OR1J2: variants seen among roughly 807,000 people sequenced by gnomAD.
OR1J2 encodes the protein olfactory receptor family 1 subfamily J member 2, also known as olfactory receptor 1J2.
For synonymous variants in OR1J2, 142 were observed against 99.7 expected (o/e 1.42, Z -2.52); for missense variants, 304 against 246.1 (o/e 1.24, Z -1.57).
At chr9:122,553,078 G>C in the OR1J2 span, 7 of 855,314 alleles carry the variant, frequency 8.2e-6, no homozygotes, top group South Asian at 1.2e-4. Context: ...TATTGGCAAA[G>C]ACCATTTATT....
chr9:122,553,365 A>T, the OR1J2 span: 1 of 1,614,040 alleles, frequency 6.2e-7, no homozygotes. Context: ...TATCCTGGCC[A>T]TCAGCTCTGA....
the OR1J2 span, among the ~76,000 whole-genome samples, chr9:122,578,947 A>T: frequency 6.8e-6 from 1 of 147,972 alleles, no homozygotes; most frequent in Non-Finnish European, 1.5e-5. Flanking sequence ...ACCTAAAATT[A>T]AAAAAAATTC....
At chr9:122,516,282 G>A (rs139304186), downstream of OR1J2, among the ~76,000 whole-genome samples, 1,403 of 150,968 alleles carry the variant, frequency 9.3e-3, 8 homozygotes, top group Non-Finnish European at 0.016. Flanking sequence ...ATGTGGTGGG[G>A]TGGAGTCCAT....
At chr9:122,468,213 G>A in the OR1J2 span, among the ~76,000 whole-genome samples, 2 of 152,188 alleles carry the variant, frequency 1.3e-5, no homozygotes, top group African/African-American at 4.8e-5. Context: ...AAACTGCAGT[G>A]AGTAAAAACT....
chr9:122,511,074 G>A lies in OR1J2; in HGVS notation c.273G>A (p.Ser91=), dbSNP rs776208357. ...TGGACATGCGGACTAAGTACAAATC[G>A]ATCCTCTATGAGGAATGCATTTCTC... is the stretch of plus-strand genomic sequence containing the variant. ...MLMDMRTKYK[S]ILYEECISQM... The change falls in exon 1 of 1, where the codon TCG becomes TCA. Residue 91 remains serine, a synonymous_variant. Transcript: ENST00000335302. The A allele has an allele frequency of 1.4e-5, 18 of 1,276,496 alleles. No homozygotes were observed. Among genetic ancestry groups the A allele is most frequent in the Non-Finnish European group, 2.0e-5 (18 of 886,838 alleles). 79.1% of individuals were successfully genotyped at this position (1,276,496 alleles called of 1,614,324 possible).
chr9:122,553,150 T>TAAAA, the OR1J2 span: 10 of 1,555,860 alleles, frequency 6.4e-6, no homozygotes, highest in African/African-American at 2.7e-5. Context: ...TAAATTGATC[T>TAAAA]AATAAATAAA....
the OR1J2 span, chr9:122,568,464 T>C: frequency 6.3e-7 from 1 of 1,577,916 alleles, no homozygotes; most frequent in Non-Finnish European, 8.6e-7. Flanking sequence ...GCTGGTGTGG[T>C]TGATTCTTTC....
At chr9:122,568,455 C>A in the OR1J2 span, 1 of 1,597,130 alleles carries the variant, frequency 6.3e-7, no homozygotes, top group South Asian at 1.1e-5. Flanking sequence ...GGAGACACTG[C>A]TGGTGTGGTT....
chr9:122,579,359 A>C, the OR1J2 span, among the ~76,000 whole-genome samples: 1 of 152,128 alleles, frequency 6.6e-6, no homozygotes, highest in Admixed American at 6.5e-5. Context: ...ACATTTAAAA[A>C]TTTTGCACTA....
At chr9:122,564,289 G>A in the OR1J2 span, among the ~76,000 whole-genome samples, 2 of 152,110 alleles carry the variant, frequency 1.3e-5, no homozygotes, top group African/African-American at 4.8e-5. Flanking sequence ...AATTCTAACT[G>A]TGGTTATGTC....
the OR1J2 span, chr9:122,526,695 A>C: frequency 1.7e-5 from 27 of 1,614,178 alleles, no homozygotes; most frequent in East Asian, 5.3e-4. Flanking sequence ...GGTGCCTCCC[A>C]AGACAAAAAC....
the OR1J2 span, among the ~76,000 whole-genome samples, chr9:122,474,133 A>G: frequency 6.6e-6 from 1 of 152,224 alleles, no homozygotes; most frequent in South Asian, 2.1e-4. Context: ...CAAAAGCATC[A>G]TGCAAACTGG....
chr9:122,545,611 T>G, the OR1J2 span, among the ~76,000 whole-genome samples: 1 of 152,158 alleles, frequency 6.6e-6, no homozygotes, highest in East Asian at 1.9e-4. Flanking sequence ...AAGTCTATAT[T>G]GTCTAATTTT....
At chr9:122,450,645 G>A in the OR1J2 span, among the ~76,000 whole-genome samples, 17 of 152,136 alleles carry the variant, frequency 1.1e-4, no homozygotes, top group East Asian at 2.5e-3. Flanking sequence ...TCTGTAATAC[G>A]TTGGTGTTCA....
the OR1J2 span, among the ~76,000 whole-genome samples, chr9:122,579,329 T>C: frequency 2.0e-5 from 3 of 152,264 alleles, no homozygotes; most frequent in Non-Finnish European, 4.4e-5. Context: ...TACATTGTAA[T>C]TGAATTTTAA....
chr9:122,529,908 CAG>C, the OR1J2 span, among the ~76,000 whole-genome samples: 4 of 152,174 alleles, frequency 2.6e-5, no homozygotes, highest in Non-Finnish European at 5.9e-5. Context: ...ACCCTGGTAA[CAG>C]AGAAGAAGGC....
the OR1J2 span, among the ~76,000 whole-genome samples, chr9:122,561,902 A>G: frequency 0.61 from 92,081 of 152,070 alleles, 28,517 homozygotes; most frequent in East Asian, 0.97. Context: ...AAACTTACTC[A>G]TCTGGGCTGC....
At chr9:122,480,558 T>A in the OR1J2 span, among the ~76,000 whole-genome samples, 1 of 150,770 alleles carries the variant, frequency 6.6e-6, no homozygotes, top group Non-Finnish European at 1.5e-5. Flanking sequence ...GGTATTTCTT[T>A]TTTTTTTTTG....
the OR1J2 span, among the ~76,000 whole-genome samples, chr9:122,472,135 T>C: frequency 6.6e-6 from 1 of 152,224 alleles, no homozygotes; most frequent in Non-Finnish European, 1.5e-5. Flanking sequence ...AGTTGGATTT[T>C]ATCGAGCTCC....
Sources: gnomAD v4.1 joint callset for allele counts (sites outside exome capture counted in the v4.1 genomes callset) on GRCh38, gnomAD v4.1.1 for gene constraint, MANE v1.5 for transcripts, NCBI Gene and HGNC (gene_info 2026-07-23, HGNC 2026-07-21) for gene names.